The following DCBLD1 variants were observed in gnomAD, a reference collection of about 807,000 sequenced individuals.
The protein encoded by DCBLD1 is discoidin, CUB and LCCL domain containing 1.
Under a neutral mutation model 71.5 loss-of-function variants are expected in DCBLD1, and 57 were observed. The ratio of observed to expected loss-of-function variants is 0.80; its 90% CI spans 0.64 to 0.99. The LOEUF (loss-of-function observed/expected upper bound fraction) is 0.99, where lower values mean the gene tolerates loss of function less well. DCBLD1 is among the 50% of genes least tolerant of loss of function. The pLI, the probability that DCBLD1 is intolerant of heterozygous loss-of-function variation, is 0.00. For synonymous variants in DCBLD1, 380 were observed against 363.8 expected, an observed-to-expected ratio of 1.04 and a Z score of -0.51; for missense variants, 891 against 923.5, an observed-to-expected ratio of 0.96 and a Z score of 0.46.
chr6:117,494,130 G>A (rs954732280), intron 1 of DCBLD1, among the ~76,000 whole-genome samples: 2 of 151,942 alleles, frequency 1.3e-5, no homozygotes, highest in Non-Finnish European at 2.9e-5. Context: ...TTTTAGTAAG[G>A]GCCCTTTCAT....
chr6:117,534,739 TATATA>T (rs1348664329), intron 6 of DCBLD1, among the ~76,000 whole-genome samples: 5 of 150,476 alleles, frequency 3.3e-5, no homozygotes, highest in East Asian at 1.9e-4. Context: ...AATACATACA[TATATA>T]ATATATTTTA....
chr6:117,491,429 A>C (rs1777289311), intron 1 of DCBLD1, among the ~76,000 whole-genome samples: 1 of 152,114 alleles, frequency 6.6e-6, no homozygotes, highest in Admixed American at 6.5e-5. Flanking sequence ...CCCTGTACCT[A>C]CTGTCACTGC....
At chr6:117,487,798 GA>G (rs1777140911) in intron 1 of DCBLD1, among the ~76,000 whole-genome samples, 1 of 150,958 alleles carries the variant, frequency 6.6e-6, no homozygotes, top group Non-Finnish European at 1.5e-5. Flanking sequence ...CAGAATTTCA[GA>G]TTTTTTTTTT....
rs754464133 is a variant in DCBLD1, at chr6:117,539,291, A to G, written c.1013A>G (p.Asn338Ser). The stretch of plus-strand genomic sequence containing the variant: ...ACAGGATCTACACAGTCGAACTTCA[A>G]CTTTTATGTTAAGAGTTTTGTGATG... ...RTTGSTQSNF[N>S]FYVKSFVMNF... The change falls in exon 9 of 15, where the codon AAC becomes AGC. Residue 338 changes from asparagine to serine, a missense_variant. Coordinates refer to ENST00000338728, the MANE Select transcript of DCBLD1 (RefSeq NM_001366458.2). 1.1e-5 allele frequency: 18 copies of G among 1,607,182 alleles called. No homozygotes were observed. Among genetic ancestry groups the G allele is most frequent in the East Asian group, 4.5e-5 (2 of 44,810 alleles).
chr6:117,547,251 A>G (rs1201054027), intron 14 of DCBLD1, among the ~76,000 whole-genome samples: 1 of 152,196 alleles, frequency 6.6e-6, no homozygotes, highest in Non-Finnish European at 1.5e-5. Flanking sequence ...TATACTCAGG[A>G]TGTGCGTTCG....
At chr6:117,521,685 G>C (rs1399820030) in intron 4 of DCBLD1, 109 bp downstream of exon 4, 2 of 939,964 alleles carry the variant, frequency 2.1e-6, no homozygotes, top group Non-Finnish European at 3.2e-6. Flanking sequence ...TACCATTCAT[G>C]TTGTAACTAA....
intron 5 of DCBLD1, among the ~76,000 whole-genome samples, chr6:117,527,199 C>G (rs1778573481): frequency 6.6e-6 from 1 of 152,160 alleles, no homozygotes; most frequent in Admixed American, 6.5e-5. Context: ...ATAATGTTAT[C>G]ATGGGAGTGG....
chr6:117,546,979 C>T (rs941538411), intron 14 of DCBLD1, among the ~76,000 whole-genome samples: 5 of 152,226 alleles, frequency 3.3e-5, no homozygotes, highest in African/African-American at 1.2e-4. Flanking sequence ...CCTTGCCTCC[C>T]GGCTTTCCTC....
chr6:117,532,202 C>T, intron 5 of DCBLD1, 58 bp from the exon 6 acceptor site: 3 of 1,523,886 alleles, frequency 2.0e-6, no homozygotes, highest in Non-Finnish European at 1.8e-6. Flanking sequence ...TAGAAAACTC[C>T]AACTATATTT....
chr6:117,556,467 T>C (rs1289704715), intron 14 of DCBLD1, among the ~76,000 whole-genome samples: 2 of 152,182 alleles, frequency 1.3e-5, no homozygotes, highest in Non-Finnish European at 2.9e-5. Flanking sequence ...AGTGAGAACA[T>C]GTGGTAGTAA....
chr6:117,553,093 C>T (rs1188532186), downstream of DCBLD1, among the ~76,000 whole-genome samples: 7 of 152,216 alleles, frequency 4.6e-5, no homozygotes, highest in Non-Finnish European at 1.0e-4. Flanking sequence ...GAACTATTCA[C>T]ACTGTGGCTG....
chr6:117,503,169 C>T (rs2114423539), intron 1 of DCBLD1, among the ~76,000 whole-genome samples: 1 of 135,490 alleles, frequency 7.4e-6, no homozygotes, highest in South Asian at 2.2e-4. Context: ...ATAGTAGATC[C>T]TTGACATTTT....
chr6:117,518,543 A>C (rs1167958159), intron 2 of DCBLD1, among the ~76,000 whole-genome samples: 1 of 152,204 alleles, frequency 6.6e-6, no homozygotes, highest in Non-Finnish European at 1.5e-5. Context: ...GCTGCTGATA[A>C]GGACATACCT....
At chr6:117,552,606 A>G (rs1779446193), downstream of DCBLD1, among the ~76,000 whole-genome samples, 1 of 151,802 alleles carries the variant, frequency 6.6e-6, no homozygotes, top group African/African-American at 2.4e-5. Flanking sequence ...TTTTCCATTC[A>G]TTGAGGACAT....
At chr6:117,569,147 T>C (rs1779756983) in intron 14 of DCBLD1, among the ~76,000 whole-genome samples, 1 of 152,222 alleles carries the variant, frequency 6.6e-6, no homozygotes, top group African/African-American at 2.4e-5. Flanking sequence ...ATGTGTGATT[T>C]CAATTTTAAT....
At chr6:117,495,724 G>A (rs1777446025) in intron 1 of DCBLD1, among the ~76,000 whole-genome samples, 1 of 152,202 alleles carries the variant, frequency 6.6e-6, no homozygotes, top group Admixed American at 6.5e-5. Flanking sequence ...TTGCTTTTCA[G>A]CAGAAGTCTC....
At chr6:117,552,912 G>C (rs1325424861), downstream of DCBLD1, among the ~76,000 whole-genome samples, 1 of 152,072 alleles carries the variant, frequency 6.6e-6, no homozygotes, top group Non-Finnish European at 1.5e-5. Context: ...TCCTCTAGTT[G>C]TTAATCCTTT....
chr6:117,497,356 T>G (rs1254362686), intron 1 of DCBLD1, among the ~76,000 whole-genome samples: 2 of 152,222 alleles, frequency 1.3e-5, no homozygotes, highest in African/African-American at 4.8e-5. Context: ...TGCTTTTCTT[T>G]TAGTGGAACA....
At chr6:117,484,608 C>G (rs1165344233) in intron 1 of DCBLD1, among the ~76,000 whole-genome samples, 1 of 152,176 alleles carries the variant, frequency 6.6e-6, no homozygotes, top group East Asian at 1.9e-4. Context: ...CCCGGCCTCC[C>G]AAGGTGCTGG....
Sources: allele counts gnomAD v4.1 joint callset (sites outside exome capture counted in the v4.1 genomes callset), GRCh38; gene constraint gnomAD v4.1.1; transcripts MANE v1.5; gene names NCBI Gene and HGNC (gene_info 2026-07-23, HGNC 2026-07-21).